ABHD18: variants seen among roughly 807,000 people sequenced by gnomAD.
ABHD18 encodes the protein abhydrolase domain containing 18.
A neutral mutation model predicts 65.9 loss-of-function variants in ABHD18; 55 were observed. The ratio of observed to expected loss-of-function variants is 0.84; its 90% CI spans 0.67 to 1.05. The LOEUF (loss-of-function observed/expected upper bound fraction) is 1.05, where lower values mean the gene tolerates loss of function less well. ABHD18 is among the 50% of genes least tolerant of loss of function. The probability of loss-of-function intolerance (pLI) is 0.00; values close to 1 mark genes in which losing one functional copy is unlikely to be tolerated. For missense variants in ABHD18, 533 were observed against 558.5 expected, an observed-to-expected ratio of 0.95 and a Z score of 0.46; for synonymous variants, 181 against 180.2, an observed-to-expected ratio of 1.00 and a Z score of -0.04.
At chr4:128,030,821 C>T (rs776122114) in intron 12 of ABHD18, 149 bp downstream of exon 12, 15 of 1,380,556 alleles carry the variant, frequency 1.1e-5, no homozygotes, top group African/African-American at 1.5e-5. Flanking sequence ...CACAGAGTTA[C>T]TTTTCCCTCT....
At chr4:128,006,358 G>A (rs778249012) in intron 4 of ABHD18, among the ~76,000 whole-genome samples, 4 of 152,098 alleles carry the variant, frequency 2.6e-5, no homozygotes, top group Non-Finnish European at 5.9e-5. Context: ...CAGGAAACTC[G>A]ACAATGCTGA....
At position 127,987,787 on chromosome 4, in the gene ABHD18, CG is replaced by C. The variant is rs369187319; in HGVS notation, c.178-1933del. Among the ~76,000 whole-genome samples the C allele has an allele frequency of 7.6e-3, 1,154 of 151,844 alleles. 13 individuals carry two copies. Among genetic ancestry groups the C allele is most frequent in the African/African-American group, 0.014 (593 of 41,430 alleles). The stretch of plus-strand genomic sequence containing the variant: ...ATAGGCATAAAAAACTAAATTGGAA[CG>C]TTTTTTTGGATTAAAAATTCAGTTT... On this transcript the variant is annotated intron_variant, in intron 3 of 12. Coordinates refer to ENST00000645843, the MANE Select transcript of ABHD18 (RefSeq NM_001358451.3).
intron 4 of ABHD18, among the ~76,000 whole-genome samples, chr4:127,997,424 G>GA (rs1269757953): frequency 6.6e-6 from 1 of 151,996 alleles, no homozygotes; most frequent in African/African-American, 2.4e-5. Flanking sequence ...TTTTAAAAAG[G>GA]AAAAAAAGTA....
At chr4:127,984,303 T>C in intron 2 of ABHD18, 36 bp from the exon 3 acceptor site, 1 of 1,330,002 alleles carries the variant, frequency 7.5e-7, no homozygotes, top group Non-Finnish European at 1.1e-6. Flanking sequence ...ATATAAAAGA[T>C]TAATTTTTTC....
chr4:128,037,372 C>G lies in ABHD18; in HGVS notation c.*1559C>G, dbSNP rs1758976819. 1.3e-5 allele frequency: 2 copies of G among 151,998 alleles called. No homozygotes were observed. The highest frequency in any genetic ancestry group is 4.8e-5 in the African/African-American group (2 of 41,388). The allele number at this position is 151,998 out of a possible 1,614,324, so 9.4% of individuals were successfully genotyped here. A position where few individuals can be genotyped will look rare whatever the true frequency, so the allele number is the denominator to read the frequency against. ...CACAAAAATGGAAACATTGGAAGAC[C>G]TGTTGCATTAACTGACGGAGTGCAG... On this transcript the variant is annotated 3_prime_UTR_variant, in exon 13 of 13. Transcript: ENST00000645843.
At chr4:127,997,031 A>G (rs1751858729) in intron 4 of ABHD18, among the ~76,000 whole-genome samples, 1 of 152,266 alleles carries the variant, frequency 6.6e-6, no homozygotes, top group Admixed American at 6.5e-5. Flanking sequence ...GCTTACGAAG[A>G]TAACGTGATT....
rs533064995 is a variant in ABHD18, at chr4:127,992,804, A to G, written c.278+2983A>G. 2.6e-4 allele frequency among the ~76,000 whole-genome samples: 39 copies of G among 152,186 alleles called. 1 individual carries two copies. Among genetic ancestry groups the G allele is most frequent in the African/African-American group, 8.4e-4 (35 of 41,534 alleles). On this transcript the variant is annotated intron_variant, in intron 4 of 12. Transcript: ENST00000645843. The stretch of plus-strand genomic sequence containing the variant: ...TGTGATCCTCCTGCCTTTGCTCCCC[A>G]GAGTGCTGAGATTACAGACTTGAGC...
chr4:128,027,662 C>T (rs1469102538), intron 10 of ABHD18, among the ~76,000 whole-genome samples: 1 of 152,128 alleles, frequency 6.6e-6, no homozygotes, highest in Non-Finnish European at 1.5e-5. Context: ...CTTCAGCTCC[C>T]CAAAGTGCCG....
At chr4:128,013,667 C>A (rs57487637) in intron 7 of ABHD18, among the ~76,000 whole-genome samples, 4,546 of 151,146 alleles carry the variant, frequency 0.03, 296 homozygotes, top group East Asian at 0.26. Flanking sequence ...CACTGCACTC[C>A]AGCCCGGGCG....
At position 127,982,961 on chromosome 4, in the gene ABHD18, T is replaced by C. The variant is rs1749313565; in HGVS notation, c.6T>C (p.Gly2=). The C allele has an allele frequency of 6.4e-7, 1 of 1,557,102 alleles. No homozygotes were observed. Among genetic ancestry groups the C allele is most frequent in the Admixed American group, 1.9e-5 (1 of 51,480 alleles). The change falls in exon 2 of 13, where the codon GGT becomes GGC. Residue 2 remains glycine, a synonymous_variant. Transcript: ENST00000645843. The part of the protein sequence containing the change: M[G]VSKLDILYRR... ...TAGATGCTTGTTTGCTACTGATGGG[T>C]GTGAGCAAGTTAGATATTCTATACC...
chr4:128,020,242 C>A, intron 9 of ABHD18, 73 bp downstream of exon 9: 1 of 1,047,662 alleles, frequency 9.5e-7, no homozygotes, highest in Non-Finnish European at 1.4e-6. Flanking sequence ...GTCCCCAAAA[C>A]CACCCTCAGC....
intron 1 of ABHD18, among the ~76,000 whole-genome samples, chr4:127,977,262 C>T (rs1274641924): frequency 6.7e-6 from 1 of 149,392 alleles, no homozygotes; most frequent in African/African-American, 2.5e-5. Flanking sequence ...CACCTGAGGT[C>T]GGGAGTTCGA....
intron 12 of ABHD18, among the ~76,000 whole-genome samples, chr4:128,033,625 T>G (rs1482315374): frequency 7.0e-6 from 1 of 143,084 alleles, no homozygotes; most frequent in African/African-American, 2.6e-5. Context: ...AACCTCCACC[T>G]CCTGGGTTCA....
intron 1 of ABHD18, among the ~76,000 whole-genome samples, chr4:127,971,530 G>A (rs374517517): frequency 2.3e-3 from 260 of 112,846 alleles, no homozygotes; most frequent in Middle Eastern, 0.01. Context: ...TTGCTCTGTC[G>A]CTCAGGCTGG....
intron 12 of ABHD18, among the ~76,000 whole-genome samples, chr4:128,033,697 G>A (rs367546651): frequency 3.3e-5 from 5 of 151,582 alleles, no homozygotes; most frequent in Admixed American, 6.6e-5. Flanking sequence ...CACCACGCCC[G>A]GCTAATTTTT....
At chr4:128,011,082 G>A (rs1009001288) in intron 6 of ABHD18, among the ~76,000 whole-genome samples, 4 of 151,432 alleles carry the variant, frequency 2.6e-5, no homozygotes, top group Non-Finnish European at 4.4e-5. Flanking sequence ...ATTGAAGAGT[G>A]TACAACCCTG....
intron 7 of ABHD18, among the ~76,000 whole-genome samples, chr4:128,015,236 ACT>A (rs939717834): frequency 1.3e-5 from 2 of 151,862 alleles, no homozygotes; most frequent in Non-Finnish European, 2.9e-5. Flanking sequence ...TGAGAGTGAG[ACT>A]CTGTCTCAAA....
At chr4:127,980,847 A>AG (rs1748909332) in intron 1 of ABHD18, among the ~76,000 whole-genome samples, 1 of 150,792 alleles carries the variant, frequency 6.6e-6, no homozygotes, top group Non-Finnish European at 1.5e-5. Flanking sequence ...AAAAAAAAAA[A>AG]GTGATTGGAA....
chr4:128,003,694 A>G (rs532717864), intron 4 of ABHD18, among the ~76,000 whole-genome samples: 3 of 152,098 alleles, frequency 2.0e-5, no homozygotes, highest in Non-Finnish European at 2.9e-5. Context: ...ATGTGTATGT[A>G]TATTTTAATT....
Sources: allele counts gnomAD v4.1 joint callset (sites outside exome capture counted in the v4.1 genomes callset), GRCh38; gene constraint gnomAD v4.1.1; transcripts MANE v1.5; gene names NCBI Gene and HGNC (gene_info 2026-07-23, HGNC 2026-07-21).